The following THSD7A variants were observed in gnomAD, a reference collection of about 807,000 sequenced individuals.
THSD7A encodes the protein thrombospondin type 1 domain containing 7A.
A neutral mutation model predicts 231.3 loss-of-function variants in THSD7A; 96 were observed. That is an observed-to-expected ratio of 0.41 (90% CI 0.35 to 0.49). The LOEUF (loss-of-function observed/expected upper bound fraction) is 0.49. Ranked by LOEUF, THSD7A falls within the 20% of genes least tolerant of loss-of-function variation. THSD7A has a pLI of 0.05. For missense variants in THSD7A, 2,290 were observed against 2,070.2 expected (o/e 1.11, Z -2.06); for synonymous variants, 940 against 743.3 (o/e 1.26, Z -4.30).
At chr7:11,570,654 T>C (rs1431824695) in intron 4 of THSD7A, among the ~76,000 whole-genome samples, 1 of 152,226 alleles carries the variant, frequency 6.6e-6, no homozygotes, top group Non-Finnish European at 1.5e-5. Context: ...TGCTTTTTAA[T>C]ATTTTACATC....
At chr7:11,741,508 C>T (rs1365744565) in intron 1 of THSD7A, among the ~76,000 whole-genome samples, 1 of 151,728 alleles carries the variant, frequency 6.6e-6, no homozygotes, top group Non-Finnish European at 1.5e-5. Flanking sequence ...GAAATAAACT[C>T]ACGAGTGGTT....
intron 1 of THSD7A, among the ~76,000 whole-genome samples, chr7:11,723,965 T>A (rs917707884): frequency 3.3e-5 from 5 of 151,796 alleles, no homozygotes; most frequent in African/African-American, 1.2e-4. Context: ...GAATTGAGAA[T>A]AGACCCAAAA....
intron 6 of THSD7A, among the ~76,000 whole-genome samples, chr7:11,509,861 G>T (rs1306212436): frequency 1.6e-5 from 2 of 124,860 alleles, no homozygotes; most frequent in Non-Finnish European, 3.6e-5. Context: ...TCAAAAATAA[G>T]TTAAATGACA....
chr7:11,639,200 T>A (rs1781983136), intron 1 of THSD7A, among the ~76,000 whole-genome samples: 1 of 152,196 alleles, frequency 6.6e-6, no homozygotes, highest in Non-Finnish European at 1.5e-5. Flanking sequence ...AACTTCCTGA[T>A]ATATTATTTT....
intron 23 of THSD7A, among the ~76,000 whole-genome samples, chr7:11,396,694 CA>C (rs1783200462): frequency 6.6e-6 from 1 of 152,194 alleles, no homozygotes; most frequent in African/African-American, 2.4e-5. Context: ...CACATTCTAC[CA>C]GAGGTACAAA....
In THSD7A at chr7:11,501,263, G is replaced by A. The variant is rs116352681; in HGVS notation, c.1823-19281C>T. 7.3e-3 allele frequency among the ~76,000 whole-genome samples: 1,105 copies of A among 152,300 alleles called. 10 individuals are homozygous for A. The highest frequency in any genetic ancestry group is 0.026 in the African/African-American group (1,061 of 41,556). ...TAAAGATATTCAGGACCTAAACTCA[G>A]CATTGGACCAAATGGACCTGATAGA... is the stretch of plus-strand genomic sequence containing the variant. On this transcript the variant is annotated intron_variant, in intron 6 of 27. Coordinates refer to ENST00000423059, the MANE Select transcript of THSD7A (RefSeq NM_015204.3).
intron 1 of THSD7A, among the ~76,000 whole-genome samples, chr7:11,754,867 G>A (rs932945375): frequency 6.6e-6 from 1 of 151,884 alleles, no homozygotes; most frequent in East Asian, 1.9e-4. Flanking sequence ...ACTATATATT[G>A]ACAATACGCA....
intron 6 of THSD7A, among the ~76,000 whole-genome samples, chr7:11,530,931 A>C (rs1320092722): frequency 6.6e-6 from 1 of 152,088 alleles, no homozygotes; most frequent in African/African-American, 2.4e-5. Flanking sequence ...GAATTGCTTG[A>C]AACTCGGAGG....
chr7:11,603,768 T>A (rs1780634224), intron 2 of THSD7A, among the ~76,000 whole-genome samples: 1 of 150,502 alleles, frequency 6.6e-6, no homozygotes, highest in Non-Finnish European at 1.5e-5. Context: ...CTCAGTAAAC[T>A]ATCGCAAGAA....
intron 6 of THSD7A, among the ~76,000 whole-genome samples, chr7:11,495,724 C>T (rs1013933813): frequency 5.3e-5 from 8 of 152,044 alleles, no homozygotes. Context: ...TGTGATCAAA[C>T]AAGGAGAGAA....
rs2128293903 is a variant in THSD7A at position 11,444,410 on chromosome 7, T to C, written c.3064+1651A>G. On this transcript the variant is annotated intron_variant, in intron 13 of 27. Coordinates refer to ENST00000423059, the MANE Select transcript of THSD7A (RefSeq NM_015204.3). This position sits in a 1 kb window ranked among gnomAD's most constrained non-coding sequence, Gnocchi z 4.2. ...GACTCGGAACCAACCCAAATGCTCA[T>C]CAATGATATACTGGATAAAGAAAAT... Among the ~76,000 whole-genome samples, 1 of 152,168 alleles carries C rather than the reference T, an allele frequency of 6.6e-6. No individual in the cohort carries two copies. The highest frequency in any genetic ancestry group is 3.4e-3 in the Middle Eastern group (1 of 294).
chr7:11,705,965 T>C (rs919202604), intron 1 of THSD7A, among the ~76,000 whole-genome samples: 1 of 150,978 alleles, frequency 6.6e-6, no homozygotes, highest in Non-Finnish European at 1.5e-5. Flanking sequence ...CATATAATTA[T>C]AAATAATAGC....
chr7:11,779,259 A>G (rs1375781596), intron 1 of THSD7A, among the ~76,000 whole-genome samples: 1 of 152,114 alleles, frequency 6.6e-6, no homozygotes, highest in Admixed American at 6.5e-5. Context: ...AGAAAAGTCC[A>G]CTTTGTTCAA....
chr7:11,597,402 G>A (rs1298529255), intron 2 of THSD7A, among the ~76,000 whole-genome samples: 1 of 152,176 alleles, frequency 6.6e-6, no homozygotes, highest in Non-Finnish European at 1.5e-5. Flanking sequence ...CCAGTTTTGA[G>A]TGGGGTCCAG....
chr7:11,517,639 T>A (rs1381452194), intron 6 of THSD7A, among the ~76,000 whole-genome samples: 1 of 152,228 alleles, frequency 6.6e-6, no homozygotes, highest in Non-Finnish European at 1.5e-5. Flanking sequence ...GAGCAGTTGG[T>A]AGACAACTAC....
intron 1 of THSD7A, among the ~76,000 whole-genome samples, chr7:11,785,465 T>C (rs1363825115): frequency 6.6e-6 from 1 of 152,174 alleles, no homozygotes; most frequent in Non-Finnish European, 1.5e-5. Context: ...TTGAACTACC[T>C]TGTATTCAGC....
rs1312281756 is a variant in THSD7A, at chr7:11,500,971, G to A, written c.1823-18989C>T. On this transcript the variant is annotated intron_variant, in intron 6 of 27. Transcript: ENST00000423059. ...AAAAAAAAAAAGAAAAAAAGGAGTTGCAATCCTAATTTCAGACAAAACAGA... is the reference window on the plus strand; with the variant it reads ...AAAAAAAAAAAGAAAAAAAGGAGTTACAATCCTAATTTCAGACAAAACAGA... Among the ~76,000 whole-genome samples, 3 of 150,422 alleles carry A rather than the reference G, an allele frequency of 2.0e-5. No homozygotes were observed. The East Asian group carries it at 5.9e-4, about 30-fold the overall frequency.
chr7:11,574,411 C>A (rs922332347), intron 4 of THSD7A, among the ~76,000 whole-genome samples: 10 of 151,442 alleles, frequency 6.6e-5, no homozygotes, highest in Non-Finnish European at 1.2e-4. Context: ...GGATACCTTC[C>A]TGTCATAGAA....
intron 4 of THSD7A, among the ~76,000 whole-genome samples, chr7:11,553,097 C>T (rs1583961094): frequency 1.3e-5 from 2 of 151,994 alleles, no homozygotes; most frequent in African/African-American, 4.8e-5. Flanking sequence ...GGGTATATAC[C>T]CCAGACAACA....
Sources: gnomAD v4.1 joint callset for allele counts (sites outside exome capture counted in the v4.1 genomes callset) on GRCh38, gnomAD v4.1.1 for gene constraint, Gnocchi (gnomAD v3.1) non-coding constraint, MANE v1.5 for transcripts, NCBI Gene and HGNC (gene_info 2026-07-23, HGNC 2026-07-21) for gene names.